The following ADAM7 variants were observed in gnomAD, a reference collection of about 807,000 sequenced individuals.
The protein encoded by ADAM7 is ADAM metallopeptidase domain 7, also known as disintegrin and metalloproteinase domain-containing protein 7.
Under a neutral mutation model 102.9 loss-of-function variants are expected in ADAM7, and 97 were observed. The observed-to-expected ratio is 0.94, with a 90% CI of 0.80 to 1.12. The LOEUF (loss-of-function observed/expected upper bound fraction) is 1.12, where lower values mean the gene tolerates loss of function less well. Ranked by LOEUF, ADAM7 falls within the 50% of genes most tolerant of loss-of-function variation. The pLI is 0.00. For synonymous variants in ADAM7, 334 were observed against 304.4 expected (o/e 1.10, Z -1.01); for missense variants, 991 against 908.7 (o/e 1.09, Z -1.16).
chr8:24,455,401 T>C (rs920325885), intron 3 of ADAM7, among the ~76,000 whole-genome samples: 6 of 152,132 alleles, frequency 3.9e-5, no homozygotes, highest in African/African-American at 1.4e-4. Context: ...TAGAGTTTAG[T>C]ATTTGTTTTT....
In ADAM7 at chr8:24,501,531, G is replaced by A; in HGVS notation, c.2163G>A (p.Gln721=). 1 of 1,609,044 alleles carries A rather than the reference G, an allele frequency of 6.2e-7. No homozygotes were observed. Among genetic ancestry groups the A allele is most frequent in the African/African-American group, 1.3e-5 (1 of 74,650 alleles). The part of the protein sequence containing the change: ...VENKGYFGDE[Q]QIRTEPILPE... The stretch of plus-strand genomic sequence containing the variant: ...ACAAAGGATACTTTGGTGATGAGCA[G>A]CAGATAAGGACTGAGCCAATCCTGC... Residue 721 remains glutamine, a synonymous_variant, in exon 20 of 22, where the codon CAG becomes CAA. Transcript: ENST00000175238.
intron 21 of ADAM7, 98 bp downstream of exon 21, chr8:24,507,633 C>T: frequency 1.0e-6 from 1 of 979,582 alleles, no homozygotes; most frequent in Non-Finnish European, 1.5e-6. Context: ...TGGGGACATC[C>T]TCTGTACTTA....
At chr8:24,475,783 A>T (rs1007201561) in intron 7 of ADAM7, 3 of 272,732 alleles carry the variant, frequency 1.1e-5, no homozygotes, top group African/African-American at 6.7e-5. Flanking sequence ...ACCTTATGTT[A>T]TTATTAAGTA....
At chr8:24,487,133 G>A (rs1820169132) in intron 10 of ADAM7, 54 bp from the exon 11 acceptor site, 2 of 1,574,560 alleles carry the variant, frequency 1.3e-6, no homozygotes, top group Admixed American at 1.7e-5. Flanking sequence ...GAAGCACTAT[G>A]TACTACAGTA....
intron 8 of ADAM7, among the ~76,000 whole-genome samples, chr8:24,477,510 G>A (rs562032667): frequency 6.6e-6 from 1 of 151,166 alleles, no homozygotes; most frequent in South Asian, 2.1e-4. Flanking sequence ...AACTGTTTCA[G>A]TTTTGTCCAT....
chr8:24,472,936 TA>T lies in ADAM7; in HGVS notation c.634-3492del, dbSNP rs771854791. On this transcript the variant is annotated intron_variant, in intron 7 of 21. Coordinates refer to ENST00000175238, the MANE Select transcript of ADAM7 (RefSeq NM_003817.4). ...AATATAAATAAAAGTTACACTTTAT[TA>T]AAAATATATGAAGAACTATGTGCCA... Among the ~76,000 whole-genome samples, 9 of 152,144 alleles carry T rather than the reference TA, an allele frequency of 5.9e-5. No individual in the cohort carries two copies. In the East Asian group the frequency reaches 1.3e-3, roughly 23 times the overall value.
intron 16 of ADAM7, among the ~76,000 whole-genome samples, chr8:24,496,542 C>A (rs565058229): frequency 6.6e-6 from 1 of 152,316 alleles, no homozygotes; most frequent in South Asian, 2.1e-4. Context: ...GAGGCTATAT[C>A]CTGCAAAACC....
In ADAM7 at chr8:24,442,530, T is replaced by C. The variant is rs1447518548; in HGVS notation, c.110T>C (p.Leu37Pro). Residue 37 changes from leucine (L) to proline (P), a missense_variant, in exon 2 of 22, where the codon CTG (leucine) becomes CCG (proline). Coordinates refer to ENST00000175238, the MANE Select transcript of ADAM7 (RefSeq NM_003817.4). ...QQLVRPKKLP[L>P]IQKRDTGHTH... The stretch of plus-strand genomic sequence containing the variant: ...CTGGTTCGTCCTAAAAAGCTTCCTC[T>C]GATACAGAAGCGAGATACTGGACAC... 1 of 1,614,154 alleles carries C rather than the reference T, an allele frequency of 6.2e-7. No individual in the cohort carries two copies. Among genetic ancestry groups the C allele is most frequent in the South Asian group, 1.1e-5 (1 of 91,090 alleles).
chr8:24,482,363 A>C, intron 9 of ADAM7, 52 bp downstream of exon 9: 1 of 1,515,134 alleles, frequency 6.6e-7, no homozygotes, highest in Non-Finnish European at 8.8e-7. Context: ...ATTACAAAAG[A>C]AAACAAAAAA....
chr8:24,477,348 T>C (rs1212467711), intron 8 of ADAM7, among the ~76,000 whole-genome samples: 1 of 152,182 alleles, frequency 6.6e-6, no homozygotes, highest in Non-Finnish European at 1.5e-5. Context: ...ATGGAGCATC[T>C]ACATAAATTA....
chr8:24,444,245 A>T (rs1434396265), intron 2 of ADAM7, among the ~76,000 whole-genome samples: 1 of 150,382 alleles, frequency 6.6e-6, no homozygotes, highest in African/African-American at 2.4e-5. Flanking sequence ...TGATATAAAT[A>T]AATGACTGAA....
chr8:24,442,540 G>A lies in ADAM7; in HGVS notation c.120G>A (p.Lys40=), dbSNP rs1426673298. The A allele has an allele frequency of 1.2e-6, 2 of 1,614,086 alleles. No homozygotes were observed. The highest frequency in any genetic ancestry group is 1.7e-5 in the Admixed American group (1 of 60,022). The change falls in exon 2 of 22, where the codon AAG becomes AAA. Residue 40 remains lysine, a synonymous_variant. Transcript: ENST00000175238. The part of the protein sequence containing the change: ...VRPKKLPLIQ[K]RDTGHTHDDD... ...CTAAAAAGCTTCCTCTGATACAGAA[G>A]CGAGATACTGGACACACCCATGATG...
chr8:24,503,711 T>C (rs1820842995), intron 20 of ADAM7, among the ~76,000 whole-genome samples: 1 of 151,972 alleles, frequency 6.6e-6, no homozygotes, highest in Non-Finnish European at 1.5e-5. Context: ...AAAGGATGAG[T>C]TCATGTCCTT....
In ADAM7 at chr8:24,492,117, G is replaced by C. The variant is rs777237550; in HGVS notation, c.1552+19G>C. 2 of 1,604,782 alleles carry C rather than the reference G, an allele frequency of 1.2e-6. No homozygotes were observed. The highest frequency in any genetic ancestry group is 1.1e-5 in the South Asian group (1 of 89,290). On this transcript the variant is annotated intron_variant, in intron 14 of 21. Transcript: ENST00000175238. ...GATGATGGTGAGAGATAATCACAGT[G>C]AAGTATTCACACAGATGGTGGCCTC...
At chr8:24,448,766 G>A (rs550700976) in intron 3 of ADAM7, among the ~76,000 whole-genome samples, 25 of 151,836 alleles carry the variant, frequency 1.6e-4, no homozygotes, top group African/African-American at 2.2e-4. Flanking sequence ...CCATTAACTC[G>A]TCATTTAGCA....
chr8:24,490,314 C>T (rs923595739), intron 12 of ADAM7: 1 of 153,236 alleles, frequency 6.5e-6, no homozygotes, highest in Non-Finnish European at 1.5e-5. Context: ...TATCCGGCCA[C>T]ACTCCATTTT....
At chr8:24,506,061 T>A (rs1820939420) in intron 20 of ADAM7, 2 of 1,491,494 alleles carry the variant, frequency 1.3e-6, no homozygotes, top group Non-Finnish European at 1.8e-6. Context: ...TTACTAGGAA[T>A]TGCAGGTTAA....
intron 13 of ADAM7, 59 bp from the exon 14 acceptor site, chr8:24,491,844 A>G (rs1820368950): frequency 4.3e-6 from 6 of 1,391,518 alleles, no homozygotes; most frequent in African/African-American, 2.9e-5. Context: ...CTGTCTACTT[A>G]CGAAACCTTA....
intron 3 of ADAM7, among the ~76,000 whole-genome samples, chr8:24,457,485 AG>A (rs2129378283): frequency 6.6e-6 from 1 of 152,222 alleles, no homozygotes; most frequent in African/African-American, 2.4e-5. Context: ...CGTGTTGGGC[AG>A]GCTGGTCTTG....
Sources: gnomAD v4.1 joint callset for allele counts (sites outside exome capture counted in the v4.1 genomes callset) on GRCh38, gnomAD v4.1.1 for gene constraint, MANE v1.5 for transcripts, NCBI Gene and HGNC (gene_info 2026-07-23, HGNC 2026-07-21) for gene names.